Variants in NAALADL2 observed in about 807,000 individuals in gnomAD.
NAALADL2 encodes N-acetylated alpha-linked acidic dipeptidase like 2.
NAALADL2 carries 76 observed loss-of-function variants against 87.2 expected under a neutral mutation model. The ratio of observed to expected loss-of-function variants is 0.87; its 90% confidence interval spans 0.72 to 1.05. The LOEUF is 1.05. NAALADL2 is among the 50% of genes least tolerant of loss of function. The pLI, the probability that NAALADL2 is intolerant of heterozygous loss-of-function variation, is 0.00. For missense variants in NAALADL2, 1,089 were observed against 945.8 expected (o/e 1.15, Z -1.99); for synonymous variants, 354 against 331.0 (o/e 1.07, Z -0.75).
At chr3:175,420,183 G>C (rs373346919) in intron 5 of NAALADL2, among the ~76,000 whole-genome samples, 4 of 152,050 alleles carry the variant, frequency 2.6e-5, no homozygotes, top group South Asian at 4.1e-4. Flanking sequence ...TGAAAAAAGA[G>C]AGAAATGTTT....
At chr3:174,670,309 T>A (rs1332147613) in intron 2 of NAALADL2, among the ~76,000 whole-genome samples, 1 of 152,106 alleles carries the variant, frequency 6.6e-6, no homozygotes, top group Non-Finnish European at 1.5e-5. Flanking sequence ...ATCCTTCACA[T>A]ACACCCATTA....
chr3:175,252,519 A>G (rs955686404), intron 3 of NAALADL2, among the ~76,000 whole-genome samples: 1 of 152,078 alleles, frequency 6.6e-6, no homozygotes, highest in African/African-American at 2.4e-5. Flanking sequence ...GGGCCTCTGT[A>G]TTCCCTGAAA....
At chr3:174,903,125 A>G (rs1044677401) in intron 1 of NAALADL2, among the ~76,000 whole-genome samples, 1 of 152,090 alleles carries the variant, frequency 6.6e-6, no homozygotes, top group Non-Finnish European at 1.5e-5. Flanking sequence ...ATGTAAAAGC[A>G]AATGCCTTTA....
chr3:174,592,826 T>G (rs1481449446), intron 2 of NAALADL2, among the ~76,000 whole-genome samples: 1 of 152,094 alleles, frequency 6.6e-6, no homozygotes, highest in African/African-American at 2.4e-5. Context: ...ACCTACTTTT[T>G]TTTTTGCAAG....
intron 2 of NAALADL2, among the ~76,000 whole-genome samples, chr3:174,581,006 G>A (rs1716108448): frequency 6.6e-6 from 1 of 152,130 alleles, no homozygotes; most frequent in African/African-American, 2.4e-5. Flanking sequence ...CACTTGTTAT[G>A]GTTAGTGTTT....
At position 175,803,223 on chromosome 3, in the gene NAALADL2, A is replaced by C; in HGVS notation, c.*20A>C. On this transcript the variant is annotated 3_prime_UTR_variant, in exon 14 of 14. Coordinates refer to ENST00000454872, the MANE Select transcript of NAALADL2 (RefSeq NM_207015.3). ...AATTGAGAAAACTCTGAGCATTTTTAAAAGTTTGTTTACAATTCCACAAGC... is the reference window on the plus strand; with the variant it reads ...AATTGAGAAAACTCTGAGCATTTTTCAAAGTTTGTTTACAATTCCACAAGC... 1 of 1,560,052 alleles carries C rather than the reference A, an allele frequency of 6.4e-7. No homozygotes were observed. Among genetic ancestry groups the C allele is most frequent in the Non-Finnish European group, 8.7e-7 (1 of 1,150,864 alleles).
chr3:175,792,591 AAACTAT>A (rs1576847042), intron 13 of NAALADL2, among the ~76,000 whole-genome samples: 2 of 152,226 alleles, frequency 1.3e-5, no homozygotes, highest in African/African-American at 4.8e-5. Context: ...AGGTCAAAGA[AAACTAT>A]ATCTATAATT....
intron 2 of NAALADL2, among the ~76,000 whole-genome samples, chr3:174,699,568 A>C (rs543488842): frequency 2.0e-5 from 3 of 151,926 alleles, no homozygotes; most frequent in Admixed American, 2.0e-4. Context: ...TTTATTACTC[A>C]GTTTGATATT....
intron 2 of NAALADL2, among the ~76,000 whole-genome samples, chr3:174,681,443 G>A (rs545066317): frequency 6.6e-6 from 1 of 152,142 alleles, no homozygotes; most frequent in African/African-American, 2.4e-5. Flanking sequence ...CCTTCCCTCT[G>A]CCTGCAGAGG....
chr3:174,591,685 T>A (rs560936819), intron 2 of NAALADL2, among the ~76,000 whole-genome samples: 1 of 152,342 alleles, frequency 6.6e-6, no homozygotes, highest in African/African-American at 2.4e-5. Flanking sequence ...AAATACATGT[T>A]GTGCCTTTTC....
At chr3:175,544,957 T>C (rs1262962601) in intron 9 of NAALADL2, among the ~76,000 whole-genome samples, 1 of 152,176 alleles carries the variant, frequency 6.6e-6, no homozygotes. Flanking sequence ...CAAGGACAAA[T>C]GTACAAACAC....
intron 2 of NAALADL2, among the ~76,000 whole-genome samples, chr3:174,560,289 A>T (rs796581453): frequency 4.6e-5 from 7 of 152,228 alleles, no homozygotes; most frequent in Admixed American, 1.3e-4. Context: ...TAAGTCATGG[A>T]CTGCATAGCC....
intron 9 of NAALADL2, among the ~76,000 whole-genome samples, chr3:175,547,444 C>G (rs1713543074): frequency 6.6e-6 from 1 of 152,090 alleles, no homozygotes; most frequent in Admixed American, 6.6e-5. Context: ...AAACCCAAAA[C>G]TATGAAAACC....
chr3:175,061,727 A>AC (rs1713525213), intron 1 of NAALADL2, among the ~76,000 whole-genome samples: 1 of 129,854 alleles, frequency 7.7e-6, no homozygotes, highest in African/African-American at 3.2e-5. Context: ...TCACTTGCAC[A>AC]AATATATATA....
At chr3:175,216,624 C>CCAG (rs1244773365) in intron 2 of NAALADL2, among the ~76,000 whole-genome samples, 2 of 150,628 alleles carry the variant, frequency 1.3e-5, no homozygotes, top group Non-Finnish European at 3.0e-5. Flanking sequence ...TTCTCCCATT[C>CCAG]CAGCAGATGT....
At chr3:174,709,755 A>G (rs1283799278) in intron 2 of NAALADL2, among the ~76,000 whole-genome samples, 2 of 152,172 alleles carry the variant, frequency 1.3e-5, no homozygotes. Context: ...AACCATATTT[A>G]CCTCCTGGAA....
intron 1 of NAALADL2, among the ~76,000 whole-genome samples, chr3:174,904,154 T>A (rs1487797063): frequency 6.6e-6 from 1 of 151,718 alleles, no homozygotes; most frequent in African/African-American, 2.4e-5. Context: ...ACATATACAA[T>A]CCACCTTATT....
chr3:175,600,525 CTTTTT>C (rs869212429), intron 10 of NAALADL2, among the ~76,000 whole-genome samples: 357 of 60,964 alleles, frequency 5.9e-3, no homozygotes, highest in African/African-American at 0.022. Context: ...GTGTCTTAGT[CTTTTT>C]TTTTTTTTTT....
chr3:175,124,855 G>A (rs1726699466), intron 2 of NAALADL2, among the ~76,000 whole-genome samples: 1 of 151,964 alleles, frequency 6.6e-6, no homozygotes, highest in Non-Finnish European at 1.5e-5. Context: ...CCTCTCATAT[G>A]GAACTTAAAG....
Sources: allele counts gnomAD v4.1 joint callset (sites outside exome capture counted in the v4.1 genomes callset), GRCh38; gene constraint gnomAD v4.1.1; transcripts MANE v1.5; gene names NCBI Gene and HGNC (gene_info 2026-07-23, HGNC 2026-07-21).